Variants in ZNF449 observed in about 807,000 individuals in gnomAD.
ZNF449 encodes zinc finger protein 449.
ZNF449 carries 4 observed loss-of-function variants against 32.6 expected under a neutral mutation model. The ratio of observed to expected loss-of-function variants is 0.12; its 90% CI spans 0.06 to 0.28. The LOEUF (loss-of-function observed/expected upper bound fraction) is 0.28, where lower values mean the gene tolerates loss of function less well. Among genes scored for constraint, ZNF449 ranks in the 10% least tolerant of loss-of-function variants. The pLI is 1.00. For synonymous variants in ZNF449, 123 were observed against 132.2 expected (o/e 0.93, Z 0.48); for missense variants, 275 against 383.2 (o/e 0.72, Z 2.36).
intron 1 of ZNF449, among the ~76,000 whole-genome samples, chrX:135,345,875 A>G (rs1010006001): frequency 3.6e-5 from 4 of 111,866 alleles, no homozygotes; most frequent in African/African-American, 6.5e-5. Flanking sequence ...ATGGGCAGAT[A>G]CAGGTCTTGA....
rs1556453245 is a variant in ZNF449 at position 135,360,392 on chromosome X, G to A, written c.873G>A (p.Gln291=). The change falls in exon 5 of 5, where the codon CAG becomes CAA. Residue 291 remains glutamine, a synonymous_variant. Coordinates refer to ENST00000339249, the MANE Select transcript of ZNF449 (RefSeq NM_152695.6). ...ATTTAGCAAAACTGGTAGATCAGCA[G>A]AACCCCACTCTGGGAGAGACACCTG... ...QTDLAKLVDQ[Q]NPTLGETPEN... is the part of the protein sequence containing the mutation. The A allele has an allele frequency of 1.7e-6, 2 of 1,211,004 alleles. No homozygotes were observed. The highest frequency in any genetic ancestry group is 3.5e-5 in the South Asian group (2 of 56,787).
intron 3 of ZNF449, among the ~76,000 whole-genome samples, chrX:135,358,165 A>C (rs1321876754): frequency 9.0e-6 from 1 of 111,227 alleles, no homozygotes; most frequent in Non-Finnish European, 1.9e-5. Context: ...TTTACCATGT[A>C]CATCTTATCA....
chrX:135,348,864 A>G, intron 2 of ZNF449: 1 of 1,033,759 alleles, frequency 9.7e-7, no homozygotes, highest in Non-Finnish European at 1.3e-6. Context: ...CACCACATGC[A>G]GAAGACTTGG....
Position 135,361,708 on chromosome X carries a change from A to G in ZNF449, c.*632A>G, listed in dbSNP as rs2084948204. 1 of 111,778 alleles carries G rather than the reference A, an allele frequency of 8.9e-6. No individual in the cohort carries two copies. The highest frequency in any genetic ancestry group is 3.7e-4 in the South Asian group (1 of 2,731). The allele number at this position is 111,778 out of a possible 1,213,427, so 9.2% of individuals were successfully genotyped here. A position where few individuals can be genotyped will look rare whatever the true frequency, so the allele number is the denominator to read the frequency against. On this transcript the variant is annotated 3_prime_UTR_variant, in exon 5 of 5. Transcript: ENST00000339249. ...CTAATTTAATTTTGATTGACTGAAG[A>G]ACCAGGGTCTTTTGCTCTCCTTTGG...
At chrX:135,352,643 G>A (rs1416379101) in intron 3 of ZNF449, among the ~76,000 whole-genome samples, 1 of 112,197 alleles carries the variant, frequency 8.9e-6, no homozygotes, top group Non-Finnish European at 1.9e-5. Context: ...TGAAGAATAT[G>A]AGAGATGAAA....
chrX:135,347,585 G>A (rs1357701550), intron 2 of ZNF449, 113 bp downstream of exon 2: 1 of 1,167,337 alleles, frequency 8.6e-7, no homozygotes, highest in East Asian at 3.2e-5. Flanking sequence ...GATTTCTCCA[G>A]AGTCCTCTTC....
intron 3 of ZNF449, among the ~76,000 whole-genome samples, chrX:135,353,203 C>A (rs1405958519): frequency 9.0e-6 from 1 of 110,614 alleles, no homozygotes; most frequent in Non-Finnish European, 1.9e-5. Flanking sequence ...CAAGAGAAAG[C>A]AAGGAGGATG....
intron 2 of ZNF449, chrX:135,347,934 G>A (rs1190972212): frequency 4.5e-6 from 1 of 223,578 alleles, no homozygotes; most frequent in Admixed American, 6.5e-5. Flanking sequence ...TCTTTATAAA[G>A]TTTGCCAACC....
At position 135,349,384 on chromosome X, in the gene ZNF449, T is replaced by C; in HGVS notation, c.559+70T>C. The C allele has an allele frequency of 2.8e-6, 3 of 1,063,170 alleles. No homozygotes were observed. The East Asian group carries it at 9.1e-5, about 32-fold the overall frequency. 87.6% of individuals were successfully genotyped at this position (1,063,170 alleles called of 1,213,427 possible). ...GTTCAGGAACTCTCAAGGGTTGGGG[T>C]TGGGTTAGAAACACCAATTACTCAA... On this transcript the variant is annotated intron_variant, in intron 3 of 4. Transcript: ENST00000339249.
At chrX:135,359,386 T>A (rs1388141345) in intron 3 of ZNF449, among the ~76,000 whole-genome samples, 6 of 111,657 alleles carry the variant, frequency 5.4e-5, no homozygotes, top group Non-Finnish European at 9.4e-5. Flanking sequence ...GAATCCACTT[T>A]TAGACTTCAG....
Position 135,362,578 on chromosome X carries a change from A to G in ZNF449, c.*1502A>G, listed in dbSNP as rs1373269677. 1.8e-5 allele frequency: 2 copies of G among 112,403 alleles called. No homozygotes were observed. Among genetic ancestry groups the G allele is most frequent in the Non-Finnish European group, 3.8e-5 (2 of 53,208 alleles). The allele number at this position is 112,403 out of a possible 1,213,427, so 9.3% of individuals were successfully genotyped here. A position where few individuals can be genotyped will look rare whatever the true frequency, so the allele number is the denominator to read the frequency against. ...CTAGTTCCTTGTTATAAAATACAAGAAATAAGACATTCAGGCATTTTCCCT... is the reference window on the plus strand; with the variant it reads ...CTAGTTCCTTGTTATAAAATACAAGGAATAAGACATTCAGGCATTTTCCCT... On this transcript the variant is annotated 3_prime_UTR_variant, in exon 5 of 5. Coordinates refer to ENST00000339249, the MANE Select transcript of ZNF449 (RefSeq NM_152695.6).
At position 135,361,100 on chromosome X, in the gene ZNF449, T is replaced by C. The variant is rs782187900; in HGVS notation, c.*24T>C. ...AAGAATTGCTAAGGGAAACAGGTCT[T>C]ACACAAATTGACACTAACTCAAAAA... On this transcript the variant is annotated 3_prime_UTR_variant, in exon 5 of 5. Transcript: ENST00000339249. The C allele has an allele frequency of 1.8e-6, 2 of 1,117,143 alleles. No individual in the cohort carries two copies. Among genetic ancestry groups the C allele is most frequent in the Admixed American group, 3.2e-5 (1 of 31,554 alleles). 92.1% of individuals were successfully genotyped at this position (1,117,143 alleles called of 1,213,427 possible).
chrX:135,353,571 A>G (rs907295808), intron 3 of ZNF449, among the ~76,000 whole-genome samples: 1 of 111,489 alleles, frequency 9.0e-6, no homozygotes, highest in Non-Finnish European at 1.9e-5. Flanking sequence ...CTGGAAAACT[A>G]ATATTCTAGA....
intron 3 of ZNF449, among the ~76,000 whole-genome samples, chrX:135,350,676 G>A (rs1602684920): frequency 1.8e-5 from 2 of 111,902 alleles, no homozygotes; most frequent in African/African-American, 6.5e-5. Flanking sequence ...GGTCATCTTG[G>A]AGATTACAGT....
At chrX:135,358,738 A>G (rs977196532) in intron 3 of ZNF449, among the ~76,000 whole-genome samples, 12 of 111,624 alleles carry the variant, frequency 1.1e-4, no homozygotes, top group African/African-American at 3.9e-4. Flanking sequence ...AGCCTTTGCT[A>G]TTCTCTCCTA....
chrX:135,350,673 T>G (rs1556450101), intron 3 of ZNF449, among the ~76,000 whole-genome samples: 1 of 111,976 alleles, frequency 8.9e-6, no homozygotes, highest in African/African-American at 3.3e-5. Context: ...TCTGGTCATC[T>G]TGGAGATTAC....
intron 3 of ZNF449, among the ~76,000 whole-genome samples, chrX:135,358,805 A>G (rs2084930855): frequency 9.0e-6 from 1 of 111,685 alleles, no homozygotes; most frequent in African/African-American, 3.2e-5. Flanking sequence ...CTTTTGATCT[A>G]TTACCTTGAA....
intron 3 of ZNF449, among the ~76,000 whole-genome samples, chrX:135,357,847 A>G (rs1159442461): frequency 9.0e-6 from 1 of 110,628 alleles, no homozygotes; most frequent in African/African-American, 3.3e-5. Context: ...TTTACATTCA[A>G]TCGGTTTGTA....
At chrX:135,346,904 G>A (rs1358209888) in intron 1 of ZNF449, 115 bp from the exon 2 acceptor site, 1 of 344,692 alleles carries the variant, frequency 2.9e-6, no homozygotes, top group African/African-American at 2.6e-5. Context: ...ACTACTTTAG[G>A]TCTTTGGTAA....
Sources: gnomAD v4.1 joint callset for allele counts (sites outside exome capture counted in the v4.1 genomes callset) on GRCh38, gnomAD v4.1.1 for gene constraint, MANE v1.5 for transcripts, NCBI Gene and HGNC (gene_info 2026-07-23, HGNC 2026-07-21) for gene names.